Variants in FAM124A observed in about 807,000 individuals in gnomAD.
FAM124A encodes the protein protein FAM124A.
Under a neutral mutation model 24.5 loss-of-function variants are expected in FAM124A, and 23 were observed. That is an observed-to-expected ratio of 0.94 (90% CI 0.68 to 1.33). FAM124A has a LOEUF of 1.33. Ranked by LOEUF, FAM124A falls within the 40% of genes most tolerant of loss-of-function variation. FAM124A has a pLI of 0.00. For missense variants in FAM124A, 623 were observed against 722.8 expected, an observed-to-expected ratio of 0.86 and a Z score of 1.58; for synonymous variants, 287 against 314.7, an observed-to-expected ratio of 0.91 and a Z score of 0.93.
intron 2 of FAM124A, among the ~76,000 whole-genome samples, chr13:51,244,027 C>T (rs1954530280): frequency 6.6e-6 from 1 of 152,180 alleles, no homozygotes; most frequent in African/African-American, 2.4e-5. Context: ...GTTTATTCAA[C>T]CTTATGCAGC....
At position 51,280,463 on chromosome 13, in the gene FAM124A, A is replaced by T. The variant is rs768163675; in HGVS notation, c.848A>T (p.His283Leu). Residue 283 changes from histidine to leucine, a missense_variant, in exon 4 of 4, where the codon CAT becomes CTT. Physicochemically the swap from His to Leu is moderately conservative, Grantham distance 99. Transcript: ENST00000322475. ...NKILLQAQRV[H>L]KKFPKPGRVH... The stretch of plus-strand genomic sequence containing the variant: ...CTCCCCCCACAGGCACAAAGGGTGC[A>T]TAAGAAGTTTCCTAAACCTGGCAGA... 1 of 1,606,068 alleles carries T rather than the reference A, an allele frequency of 6.2e-7. No individual in the cohort carries two copies.
chr13:51,281,120 G>T lies in FAM124A; in HGVS notation c.1505G>T (p.Ser502Ile). 1 of 1,613,990 alleles carries T rather than the reference G, an allele frequency of 6.2e-7. No individual in the cohort carries two copies. The highest frequency in any genetic ancestry group is 8.5e-7 in the Non-Finnish European group (1 of 1,179,998). Residue 502 changes from serine (S) to isoleucine (I), a missense_variant, in exon 4 of 4, where the codon AGC becomes ATC. Ser to Ile is a moderately radical substitution (Grantham distance 142, BLOSUM62 -2). Coordinates refer to ENST00000322475, the MANE Select transcript of FAM124A (RefSeq NM_001242312.2). ...GCTCGTGCTGCTCCCCCAGCTCCCA[G>T]CACCTCCACCCTCACAGACTCCTCC... Reference protein sequence around the residue: ...ATARAAPPAPSTSTLTDSSPQ... With the variant: ...ATARAAPPAPITSTLTDSSPQ...
chr13:51,239,069 C>T (rs997885092), intron 2 of FAM124A, among the ~76,000 whole-genome samples: 2 of 152,154 alleles, frequency 1.3e-5, no homozygotes, highest in African/African-American at 4.8e-5. Context: ...CTTTCTCCCC[C>T]CTTGAAAAGC....
Position 51,255,342 on chromosome 13 carries a change from C to T in FAM124A, c.834+3141C>T, listed in dbSNP as rs111265775. On this transcript the variant is annotated intron_variant, in intron 3 of 3. Transcript: ENST00000322475. ...CAGCCACTAGCTACATAGTTAATGT[C>T]GCCATTAAAATTTAAATTTAAATTT... 6.0e-4 allele frequency among the ~76,000 whole-genome samples: 92 copies of T among 152,230 alleles called. 2 individuals are homozygous for T. The highest frequency in any genetic ancestry group is 5.9e-4 in the Admixed American group (9 of 15,312).
chr13:51,233,130 A>G (rs1954397153), intron 2 of FAM124A, among the ~76,000 whole-genome samples: 2 of 152,212 alleles, frequency 1.3e-5, no homozygotes, highest in Admixed American at 6.5e-5. Context: ...TGGCTAAACA[A>G]GTAGGGATTC....
At chr13:51,267,764 G>C (rs766044450) in intron 3 of FAM124A, among the ~76,000 whole-genome samples, 2 of 152,100 alleles carry the variant, frequency 1.3e-5, no homozygotes, top group African/African-American at 4.8e-5. Flanking sequence ...ATTCAGCACC[G>C]GTCAGCTCCA....
chr13:51,248,334 G>T (rs1252181386), intron 2 of FAM124A, among the ~76,000 whole-genome samples: 2 of 152,280 alleles, frequency 1.3e-5, no homozygotes, highest in African/African-American at 4.8e-5. Flanking sequence ...CACCAGGCCT[G>T]TGGGCTTCCT....
intron 2 of FAM124A, among the ~76,000 whole-genome samples, chr13:51,237,171 G>T (rs2137656926): frequency 6.6e-6 from 1 of 152,286 alleles, no homozygotes; most frequent in South Asian, 2.1e-4. Context: ...GAGTGTCTCA[G>T]TTCAGGTCTG....
At chr13:51,277,268 C>T (rs1954893946) in intron 3 of FAM124A, among the ~76,000 whole-genome samples, 1 of 139,018 alleles carries the variant, frequency 7.2e-6, no homozygotes, top group South Asian at 2.4e-4. Context: ...GAAGTGAGAC[C>T]TAAACAATGG....
rs552180162 is a variant in FAM124A, at chr13:51,251,590, G to A, written c.223G>A (p.Asp75Asn). The change falls in exon 3 of 4, where the codon GAC (aspartate) becomes AAC (asparagine). Residue 75 changes from aspartate (D) to asparagine (N), a missense_variant. By Grantham distance (23) the Asp-to-Asn change is conservative (BLOSUM62 1). Transcript: ENST00000322475. This position sits in a 1 kb window ranked among gnomAD's most constrained non-coding sequence, Gnocchi z 5.3. Reference protein sequence around the residue: ...IDNVLAWIHPDLPLFRVSERR... With the variant: ...IDNVLAWIHPNLPLFRVSERR... ...CAACGTCCTGGCGTGGATCCACCCC[G>A]ACCTCCCGCTGTTCCGGGTGTCCGA... 16 of 1,566,164 alleles carry A rather than the reference G, an allele frequency of 1.0e-5. 1 individual carries two copies. The Admixed American group carries it at 1.4e-4, about 14-fold the overall frequency.
intron 2 of FAM124A, among the ~76,000 whole-genome samples, chr13:51,231,622 A>G (rs1428278667): frequency 6.6e-6 from 1 of 152,210 alleles, no homozygotes; most frequent in Non-Finnish European, 1.5e-5. Flanking sequence ...GGATGCTTCT[A>G]GGAGCATCAT....
chr13:51,238,331 A>G (rs1319509333), intron 2 of FAM124A, among the ~76,000 whole-genome samples: 1 of 152,224 alleles, frequency 6.6e-6, no homozygotes, highest in African/African-American at 2.4e-5. Flanking sequence ...TCCTGAGGCC[A>G]GTAAGTTGTA....
At chr13:51,230,982 G>A (rs1954370184) in intron 1 of FAM124A, among the ~76,000 whole-genome samples, 1 of 152,198 alleles carries the variant, frequency 6.6e-6, no homozygotes, top group Non-Finnish European at 1.5e-5. Flanking sequence ...TTTGAAGGGT[G>A]CTCATTTGCA....
chr13:51,255,267 T>C (rs1011017192), intron 3 of FAM124A, among the ~76,000 whole-genome samples: 10 of 152,182 alleles, frequency 6.6e-5, no homozygotes, highest in African/African-American at 2.4e-4. Context: ...ATAAACCAAG[T>C]GTGACATCCA....
intron 1 of FAM124A, among the ~76,000 whole-genome samples, chr13:51,226,607 C>CAG (rs139013855): frequency 5.9e-5 from 9 of 152,000 alleles, no homozygotes; most frequent in African/African-American, 1.9e-4. Flanking sequence ...TAGGGTCAGG[C>CAG]AGAGAGAGAG....
At chr13:51,224,331 T>TGGG (rs1427029036) in intron 1 of FAM124A, among the ~76,000 whole-genome samples, 1 of 151,924 alleles carries the variant, frequency 6.6e-6, no homozygotes, top group Non-Finnish European at 1.5e-5. Flanking sequence ...ATTAGCCAGG[T>TGGG]GTGGTGGCGC....
intron 3 of FAM124A, among the ~76,000 whole-genome samples, chr13:51,269,935 C>CCCAG: frequency 6.6e-6 from 1 of 152,172 alleles, no homozygotes; most frequent in Non-Finnish European, 1.5e-5. Context: ...CCAGCCAGGA[C>CCCAG]GACTTTACGT....
Position 51,230,075 on chromosome 13 carries a change from T to TTATATATATATA in FAM124A, c.69-1269_69-1258dup, listed in dbSNP as rs5803560. On this transcript the variant is annotated intron_variant, in intron 1 of 3. Coordinates refer to ENST00000322475, the MANE Select transcript of FAM124A (RefSeq NM_001242312.2). ...ATTTCCTAGTCAATAAAATATTGAA[T>TTATATATATATA]TATATATATATATATGAATGCAGTT... Among the ~76,000 whole-genome samples the TTATATATATATA allele has an allele frequency of 1.7e-3, 251 of 151,014 alleles. 1 individual carries two copies. Among genetic ancestry groups the TTATATATATATA allele is most frequent in the South Asian group, 7.9e-3 (38 of 4,786 alleles).
At chr13:51,280,359 G>T in intron 3 of FAM124A, 91 bp from the exon 4 acceptor site, 5 of 1,151,392 alleles carry the variant, frequency 4.3e-6, no homozygotes, top group Non-Finnish European at 6.1e-6. Context: ...CCATGACATT[G>T]CCAGGAGTTT....
Sources: allele counts gnomAD v4.1 joint callset (sites outside exome capture counted in the v4.1 genomes callset), GRCh38; gene constraint gnomAD v4.1.1; non-coding constraint Gnocchi (gnomAD v3.1); transcripts MANE v1.5; gene names NCBI Gene and HGNC (gene_info 2026-07-23, HGNC 2026-07-21).